SNX19: variants seen among roughly 807,000 people sequenced by gnomAD.
The protein encoded by SNX19 is sorting nexin 19.
SNX19 carries 60 observed loss-of-function variants against 85.2 expected under a neutral mutation model. That is an observed-to-expected ratio of 0.70 (90% confidence interval 0.57 to 0.87). SNX19 has a LOEUF of 0.87. Among genes scored for constraint, SNX19 ranks in the 40% least tolerant of loss-of-function variants. SNX19 has a pLI of 0.00. For synonymous variants in SNX19, 520 were observed against 470.0 expected, an observed-to-expected ratio of 1.11 and a Z score of -1.38; for missense variants, 1,201 against 1,217.8, an observed-to-expected ratio of 0.99 and a Z score of 0.21.
chr11:130,886,278 A>G (rs1222947076), intron 8 of SNX19, among the ~76,000 whole-genome samples: 1 of 152,156 alleles, frequency 6.6e-6, no homozygotes, highest in East Asian at 1.9e-4. Context: ...CTTGTTTCGT[A>G]TGTATGTACA....
intron 1 of SNX19, among the ~76,000 whole-genome samples, 200 bp from the exon 2 acceptor site, chr11:130,911,971 A>G (rs1027079887): frequency 2.6e-5 from 4 of 151,828 alleles, no homozygotes; most frequent in Non-Finnish European, 5.9e-5. Context: ...ACTCCTCCGC[A>G]CTACTACTTT....
chr11:130,873,795 G>A lies in SNX19; in HGVS notation c.*4627C>T, dbSNP rs563400905. 6.6e-6 allele frequency among the ~76,000 whole-genome samples: 1 copy of A among 152,152 alleles called. No homozygotes were observed. The highest frequency in any genetic ancestry group is 2.4e-5 in the African/African-American group (1 of 41,442). On this transcript the variant is annotated 3_prime_UTR_variant, in exon 11 of 11. Transcript: ENST00000265909. ...CATTTTGGGAGTAGATAGGGGATCTGCTGAATGTTGGCAGAATGACCCATC... is the reference window on the plus strand; with the variant it reads ...CATTTTGGGAGTAGATAGGGGATCTACTGAATGTTGGCAGAATGACCCATC...
chr11:130,884,299 A>G (rs1943892536), intron 8 of SNX19, among the ~76,000 whole-genome samples: 1 of 151,870 alleles, frequency 6.6e-6, no homozygotes, highest in Non-Finnish European at 1.5e-5. Context: ...AGAAGTCTCA[A>G]CTCCTCTCCA....
rs1423021237 is a variant in SNX19, at chr11:130,873,032, C to T, written c.*5390G>A. 1.3e-5 allele frequency among the ~76,000 whole-genome samples: 2 copies of T among 152,126 alleles called. No homozygotes were observed. The highest frequency in any genetic ancestry group is 2.9e-5 in the Non-Finnish European group (2 of 68,010). Reference sequence around the variant, plus strand: ...CAGAGGAGTGTGATAATCATGCTGTCAACATTTTTAGAGCATAGCACTTAC... The same window carrying T: ...CAGAGGAGTGTGATAATCATGCTGTTAACATTTTTAGAGCATAGCACTTAC... On this transcript the variant is annotated 3_prime_UTR_variant, in exon 11 of 11. Coordinates refer to ENST00000265909, the MANE Select transcript of SNX19 (RefSeq NM_014758.3).
chr11:130,915,534 T>C lies in SNX19; in HGVS notation c.406A>G (p.Lys136Glu). ...CTCCGAAGCTCCTGGACCAACCCTT[T>C]CATGGCTGCCTCCATTTCTTCCTCA... ...AFEEEMEAAMKGLVQELRRRM... is the reference protein window; with the variant it reads ...AFEEEMEAAMEGLVQELRRRM... The change falls in exon 1 of 11, where the codon AAA becomes GAA. Residue 136 changes from lysine to glutamate, a missense_variant. By Grantham distance (56) the Lys-to-Glu change is moderately conservative. This residue lies in a region of SNX19 where 791 missense variants were observed against 750.9 expected (regional missense o/e 1.05). Coordinates refer to ENST00000265909, the MANE Select transcript of SNX19 (RefSeq NM_014758.3). 2 of 1,614,212 alleles carry C rather than the reference T, an allele frequency of 1.2e-6. No homozygotes were observed. Among genetic ancestry groups the C allele is most frequent in the Non-Finnish European group, 1.7e-6 (2 of 1,180,024 alleles).
rs531687709 is a variant in SNX19 at position 130,872,456 on chromosome 11, C to CT, written c.*5965dup. 1.0e-3 allele frequency among the ~76,000 whole-genome samples: 149 copies of CT among 147,358 alleles called. No individual in the cohort carries two copies. The highest frequency in any genetic ancestry group is 1.4e-3 in the Non-Finnish European group (92 of 66,402). On this transcript the variant is annotated 3_prime_UTR_variant, in exon 11 of 11. Transcript: ENST00000265909. ...CAATTAAAACATTCTTCTGGATTTC[C>CT]TTTTTTTTTTTCTCTCTTAAACCAG...
intron 8 of SNX19, among the ~76,000 whole-genome samples, chr11:130,889,514 C>A (rs531910901): frequency 9.2e-6 from 1 of 108,882 alleles, no homozygotes; most frequent in African/African-American, 2.6e-5. Flanking sequence ...CTGAATGAAT[C>A]GATCCTGTTG....
In SNX19 at chr11:130,872,451, A is replaced by G. The variant is rs2135252075; in HGVS notation, c.*5971T>C. Among the ~76,000 whole-genome samples the G allele has an allele frequency of 6.6e-6, 1 of 151,208 alleles. No individual in the cohort carries two copies. The highest frequency in any genetic ancestry group is 2.4e-5 in the African/African-American group (1 of 41,218). On this transcript the variant is annotated 3_prime_UTR_variant, in exon 11 of 11. Coordinates refer to ENST00000265909, the MANE Select transcript of SNX19 (RefSeq NM_014758.3). ...CTTGACAATTAAAACATTCTTCTGG[A>G]TTTCCTTTTTTTTTTTCTCTCTTAA...
chr11:130,888,869 T>A (rs577081768), intron 8 of SNX19, among the ~76,000 whole-genome samples: 1 of 152,314 alleles, frequency 6.6e-6, no homozygotes, highest in African/African-American at 2.4e-5. Flanking sequence ...ATTATTTTCA[T>A]TTCTATTTTG....
At chr11:130,907,855 T>C in intron 5 of SNX19, 98 bp downstream of exon 5, 3 of 1,542,120 alleles carry the variant, frequency 1.9e-6, no homozygotes, top group Non-Finnish European at 2.6e-6. Context: ...ACCCACCTCC[T>C]TTCCTCTAGG....
At chr11:130,892,710 A>G (rs1157621753) in intron 8 of SNX19, 1 of 152,220 alleles carries the variant, frequency 6.6e-6, no homozygotes, top group African/African-American at 2.4e-5. Context: ...TGAAAACTCT[A>G]TTTCCGAATC....
rs1943302977 is a variant in SNX19 at position 130,877,126 on chromosome 11, G to A, written c.*1296C>T. 1 of 152,206 alleles carries A rather than the reference G, an allele frequency of 6.6e-6. No individual in the cohort carries two copies. Among genetic ancestry groups the A allele is most frequent in the Non-Finnish European group, 1.5e-5 (1 of 68,048 alleles). 9.4% of individuals were successfully genotyped at this position (152,206 alleles called of 1,614,324 possible). On this transcript the variant is annotated 3_prime_UTR_variant, in exon 11 of 11. Transcript: ENST00000265909. ...GAGTGGTAGGCTCTGGTAATTCAGC[G>A]AAAGCAAGGCGCTAACAGGCGAGTG...
chr11:130,889,921 A>C (rs1382161457), intron 8 of SNX19, among the ~76,000 whole-genome samples: 1 of 152,198 alleles, frequency 6.6e-6, no homozygotes, highest in African/African-American at 2.4e-5. Flanking sequence ...ACTTACAGAT[A>C]GAAAAAAAGT....
intron 7 of SNX19, among the ~76,000 whole-genome samples, chr11:130,905,407 C>A (rs1325064674): frequency 1.3e-5 from 2 of 152,156 alleles, no homozygotes; most frequent in Non-Finnish European, 2.9e-5. Context: ...TGTGGTATAT[C>A]CAAGTGAAGA....
chr11:130,901,271 G>A (rs909784310), intron 8 of SNX19, among the ~76,000 whole-genome samples: 22 of 152,156 alleles, frequency 1.4e-4, no homozygotes, highest in African/African-American at 5.3e-4. Context: ...ACAACCACTA[G>A]TGTAGGAAAA....
chr11:130,867,845 A>T lies in SNX19; in HGVS notation c.*10577T>A, dbSNP rs1942835579. The stretch of plus-strand genomic sequence containing the variant: ...GTATGGAAGAAACTGAGGTCCAGGG[A>T]AGTGAAGAGATCGGTCCAAGATCAC... On this transcript the variant is annotated 3_prime_UTR_variant, in exon 11 of 11. Transcript: ENST00000265909. 1 of 152,142 alleles carries T rather than the reference A, an allele frequency of 6.6e-6. No individual in the cohort carries two copies. The highest frequency in any genetic ancestry group is 2.4e-5 in the African/African-American group (1 of 41,406). The allele number at this position is 152,142 out of a possible 1,614,324, so 9.4% of individuals were successfully genotyped here. A position where few individuals can be genotyped will look rare whatever the true frequency, so the allele number is the denominator to read the frequency against.
At position 130,915,392 on chromosome 11, in the gene SNX19, A is replaced by G. The variant is rs1414221297; in HGVS notation, c.548T>C (p.Val183Ala). 1.9e-6 allele frequency: 3 copies of G among 1,613,918 alleles called. No homozygotes were observed. The highest frequency in any genetic ancestry group is 3.3e-5 in the Admixed American group (2 of 60,006). Reference protein sequence around the residue: ...KEATAGKNGPVEPSHLWEAYC... With the variant: ...KEATAGKNGPAEPSHLWEAYC... ...AGCCTCCCAGAGGTGGGAAGGCTCA[A>G]CTGGACCATTCTTCCCTGCAGTGGC... The change falls in exon 1 of 11, where the codon GTT (valine) becomes GCT (alanine). Residue 183 changes from valine to alanine, a missense_variant. Val to Ala is a moderately conservative substitution (Grantham distance 64). This residue lies in a region of SNX19 where 791 missense variants were observed against 750.9 expected (regional missense o/e 1.05). Transcript: ENST00000265909.
intron 8 of SNX19, among the ~76,000 whole-genome samples, chr11:130,888,664 A>C (rs546937207): frequency 1.2e-4 from 19 of 152,338 alleles, no homozygotes; most frequent in African/African-American, 3.8e-4. Context: ...TGTTGGGGTC[A>C]AGAACCTTTA....
At chr11:130,910,443 T>C in intron 2 of SNX19, 73 bp from the exon 3 acceptor site, 2 of 1,105,456 alleles carry the variant, frequency 1.8e-6, no homozygotes, top group Non-Finnish European at 2.6e-6. Flanking sequence ...ATAAAACATA[T>C]AAAGAAAACA....
Sources: allele counts gnomAD v4.1 joint callset (sites outside exome capture counted in the v4.1 genomes callset), GRCh38; gene constraint gnomAD v4.1.1; regional missense constraint gnomAD v4.1.1; transcripts MANE v1.5; gene names NCBI Gene and HGNC (gene_info 2026-07-23, HGNC 2026-07-21).